RBMS3: variants seen among roughly 807,000 people sequenced by gnomAD.
RBMS3 encodes RNA binding motif single stranded interacting protein 3.
Under a neutral mutation model 66.8 loss-of-function variants are expected in RBMS3, and 27 were observed. The ratio of observed to expected loss-of-function variants is 0.40; its 90% confidence interval spans 0.30 to 0.56. RBMS3 has a LOEUF of 0.56. Among genes scored for constraint, RBMS3 ranks in the 20% least tolerant of loss-of-function variants. The pLI is 0.40. For missense variants in RBMS3, 513 were observed against 549.5 expected, an observed-to-expected ratio of 0.93 and a Z score of 0.66; for synonymous variants, 188 against 183.0, an observed-to-expected ratio of 1.03 and a Z score of -0.22.
chr3:29,353,180 ACT>A (rs1575597966), intron 1 of RBMS3, among the ~76,000 whole-genome samples: 1 of 150,446 alleles, frequency 6.6e-6, no homozygotes. Flanking sequence ...CATTTCTGCA[ACT>A]CTTTTTCTTT....
intron 2 of RBMS3, among the ~76,000 whole-genome samples, chr3:29,442,563 C>G (rs189358448): frequency 1.3e-5 from 2 of 152,174 alleles, no homozygotes; most frequent in African/African-American, 4.8e-5. Context: ...AAGATGTGAT[C>G]AACTCTTTCT....
At chr3:29,357,310 G>A (rs2037284099) in intron 1 of RBMS3, among the ~76,000 whole-genome samples, 1 of 151,110 alleles carries the variant, frequency 6.6e-6, no homozygotes, top group South Asian at 2.1e-4. Context: ...TTGGTTTTTT[G>A]TCCTTGTGAT....
At chr3:29,373,493 A>G (rs1176485622) in intron 1 of RBMS3, among the ~76,000 whole-genome samples, 3 of 151,628 alleles carry the variant, frequency 2.0e-5, no homozygotes, top group Non-Finnish European at 4.4e-5. Flanking sequence ...GAAGGGAAAC[A>G]AGAGTCAGAC....
Position 30,006,132 on chromosome 3 carries a change from A to T in RBMS3, c.*2270A>T, listed in dbSNP as rs984624912. Reference sequence around the variant, plus strand: ...ATAGGTGAAACTCTTTTCAAAAACTAAGTCAGTCACAGGAGCCTGTCTTAG... The same window carrying T: ...ATAGGTGAAACTCTTTTCAAAAACTTAGTCAGTCACAGGAGCCTGTCTTAG... On this transcript the variant is annotated 3_prime_UTR_variant, in exon 15 of 15. Coordinates refer to ENST00000383767, the MANE Select transcript of RBMS3 (RefSeq NM_001003793.3). The T allele has an allele frequency of 6.6e-6, 1 of 151,868 alleles. No homozygotes were observed. 9.4% of individuals were successfully genotyped at this position (151,868 alleles called of 1,614,324 possible).
chr3:29,427,840 G>C (rs115237741), intron 1 of RBMS3, among the ~76,000 whole-genome samples: 7 of 152,238 alleles, frequency 4.6e-5, no homozygotes, highest in Admixed American at 2.0e-4. Context: ...CCAGCAACCA[G>C]ATGCCGGCAA....
At chr3:29,504,138 G>A (rs909977668) in intron 3 of RBMS3, among the ~76,000 whole-genome samples, 7 of 152,076 alleles carry the variant, frequency 4.6e-5, no homozygotes, top group Admixed American at 1.3e-4. Flanking sequence ...AGTTTAGAGA[G>A]GAAATTCTTC....
chr3:29,737,069 C>G (rs1388128675), intron 4 of RBMS3, among the ~76,000 whole-genome samples: 1 of 151,990 alleles, frequency 6.6e-6, no homozygotes, highest in African/African-American at 2.4e-5. Flanking sequence ...CTCCGCCTCC[C>G]GGGTTCACGC....
intron 1 of RBMS3, among the ~76,000 whole-genome samples, chr3:29,399,515 A>T (rs9876003): frequency 0.76 from 114,869 of 152,128 alleles, 43,474 homozygotes; most frequent in Admixed American, 0.81. Flanking sequence ...ATGAATTGCT[A>T]CTGAAAAGTT....
At chr3:29,408,928 T>C (rs552680441) in intron 1 of RBMS3, among the ~76,000 whole-genome samples, 30 of 152,304 alleles carry the variant, frequency 2.0e-4, no homozygotes, top group Non-Finnish European at 3.5e-4. Flanking sequence ...GTTGCATAAT[T>C]AGTCTGCTAT....
intron 6 of RBMS3, among the ~76,000 whole-genome samples, chr3:29,844,255 GT>G (rs1042374862): frequency 1.5e-4 from 23 of 151,974 alleles, no homozygotes; most frequent in Non-Finnish European, 1.5e-5. Context: ...GTTTTGTTTT[GT>G]TTTGTTTTGT....
At chr3:29,596,332 C>A (rs963013141) in intron 4 of RBMS3, among the ~76,000 whole-genome samples, 3 of 152,124 alleles carry the variant, frequency 2.0e-5, no homozygotes, top group African/African-American at 7.2e-5. Context: ...CACGGTCCAC[C>A]TTCTGTTTCT....
intron 1 of RBMS3, among the ~76,000 whole-genome samples, chr3:29,303,485 G>A (rs1295541951): frequency 6.6e-6 from 1 of 151,932 alleles, no homozygotes; most frequent in Non-Finnish European, 1.5e-5. Flanking sequence ...TCACATATCT[G>A]CATTATAAAA....
At chr3:29,512,097 CTCTT>C (rs2044435860) in intron 3 of RBMS3, among the ~76,000 whole-genome samples, 2 of 151,972 alleles carry the variant, frequency 1.3e-5, no homozygotes, top group Admixed American at 1.3e-4. Flanking sequence ...TCATTTCTGA[CTCTT>C]TATTCAGATT....
chr3:29,330,893 G>A (rs1241683823), intron 1 of RBMS3, among the ~76,000 whole-genome samples: 1 of 152,128 alleles, frequency 6.6e-6, no homozygotes, highest in Non-Finnish European at 1.5e-5. Context: ...TGATTGAATT[G>A]CTTGTGCCAC....
intron 3 of RBMS3, among the ~76,000 whole-genome samples, chr3:29,558,698 A>T (rs1276456853): frequency 6.6e-6 from 1 of 152,194 alleles, no homozygotes; most frequent in Non-Finnish European, 1.5e-5. Context: ...GTAATTCGTC[A>T]TCACAATTAC....
At chr3:29,569,610 G>A (rs188592328) in intron 3 of RBMS3, among the ~76,000 whole-genome samples, 76 of 152,034 alleles carry the variant, frequency 5.0e-4, no homozygotes, top group Admixed American at 1.8e-3. Flanking sequence ...AAAGAAAAAT[G>A]GGCTTCCAAT....
chr3:29,733,620 G>C (rs745538001), intron 4 of RBMS3, among the ~76,000 whole-genome samples: 8 of 152,032 alleles, frequency 5.3e-5, no homozygotes, highest in South Asian at 2.1e-4. Flanking sequence ...GATGATTAGT[G>C]ATGTTGAGTA....
At chr3:29,308,502 T>C (rs190304772) in intron 1 of RBMS3, among the ~76,000 whole-genome samples, 11 of 151,810 alleles carry the variant, frequency 7.2e-5, no homozygotes, top group African/African-American at 2.7e-4. Flanking sequence ...AAATGCTTAC[T>C]ATGTGATGCA....
At chr3:29,708,307 T>G (rs1017160629) in intron 4 of RBMS3, among the ~76,000 whole-genome samples, 1 of 152,146 alleles carries the variant, frequency 6.6e-6, no homozygotes, top group Non-Finnish European at 1.5e-5. Flanking sequence ...AGCATGCTGA[T>G]TATGTTGTTA....
Sources: allele counts gnomAD v4.1 joint callset (sites outside exome capture counted in the v4.1 genomes callset), GRCh38; gene constraint gnomAD v4.1.1; transcripts MANE v1.5; gene names NCBI Gene and HGNC (gene_info 2026-07-23, HGNC 2026-07-21).